The following SEC24D variants were observed in gnomAD, a reference collection of about 807,000 sequenced individuals.
The protein encoded by SEC24D is SEC24 homolog D, COPII component.
In SEC24D, 69 loss-of-function variants were observed where a neutral mutation model predicts 116.9. The observed-to-expected ratio is 0.59, with a 90% CI of 0.49 to 0.72. The LOEUF is 0.72. Ranked by LOEUF, SEC24D falls within the 30% of genes least tolerant of loss-of-function variation. SEC24D has a pLI of 0.00. For synonymous variants in SEC24D, 405 were observed against 442.8 expected (o/e 0.91, Z 1.07); for missense variants, 1,131 against 1,264.1 (o/e 0.89, Z 1.60).
chr4:118,750,970 AAAATT>A (rs1028708644), intron 13 of SEC24D, among the ~76,000 whole-genome samples: 1 of 152,122 alleles, frequency 6.6e-6, no homozygotes. Context: ...ATTTAGATAT[AAAATT>A]ATGTGGGAAG....
At chr4:118,768,789 G>A (rs1287647383) in intron 8 of SEC24D, among the ~76,000 whole-genome samples, 2 of 152,164 alleles carry the variant, frequency 1.3e-5, no homozygotes, top group African/African-American at 4.8e-5. Flanking sequence ...GCCATAAGAT[G>A]TTGTCCAGAA....
chr4:118,790,143 C>T (rs139588066), intron 8 of SEC24D, among the ~76,000 whole-genome samples: 6 of 152,222 alleles, frequency 3.9e-5, no homozygotes, highest in African/African-American at 7.2e-5. Flanking sequence ...GGGATTAAAA[C>T]GCAACTGAAA....
intron 2 of SEC24D, among the ~76,000 whole-genome samples, chr4:118,831,494 G>A (rs1258629712): frequency 6.6e-6 from 1 of 152,162 alleles, no homozygotes; most frequent in Admixed American, 6.5e-5. Flanking sequence ...GTGGGCAACT[G>A]GAAATATGGG....
chr4:118,777,811 C>T lies in SEC24D; in HGVS notation c.1042-9500G>A, dbSNP rs10002360. ...TTTTAATGATCGCCATTCTAACTGG[C>T]GTGAGATGGTATCTCATTGTGGTTT... On this transcript the variant is annotated intron_variant, in intron 8 of 22. Transcript: ENST00000280551. 9.7e-3 allele frequency among the ~76,000 whole-genome samples: 1,469 copies of T among 152,194 alleles called. 25 individuals carry two copies. The highest frequency in any genetic ancestry group is 0.032 in the African/African-American group (1,346 of 41,540).
In SEC24D at chr4:118,741,279, C is replaced by T. The variant is rs116448075; in HGVS notation, c.1996-242G>A. Among the ~76,000 whole-genome samples the T allele has an allele frequency of 5.2e-3, 792 of 152,154 alleles. 5 individuals carry two copies. Among genetic ancestry groups the T allele is most frequent in the African/African-American group, 0.015 (629 of 41,508 alleles). Reference sequence around the variant, plus strand: ...CATTTTAACACTTGGATGAGAAAATCGGTTATTAATTGCAAATGGGAAAAT... The same window carrying T: ...CATTTTAACACTTGGATGAGAAAATTGGTTATTAATTGCAAATGGGAAAAT... On this transcript the variant is annotated intron_variant, in intron 15 of 22. Coordinates refer to ENST00000280551, the MANE Select transcript of SEC24D (RefSeq NM_014822.4).
intron 6 of SEC24D, among the ~76,000 whole-genome samples, chr4:118,810,514 G>C (rs1388799477): frequency 2.0e-5 from 3 of 152,172 alleles, no homozygotes; most frequent in Non-Finnish European, 4.4e-5. Flanking sequence ...TCTTTACTAG[G>C]AATATCTGCA....
chr4:118,804,627 T>TA (rs1303525862), intron 7 of SEC24D, among the ~76,000 whole-genome samples: 1 of 151,990 alleles, frequency 6.6e-6, no homozygotes, highest in Non-Finnish European at 1.5e-5. Context: ...ACCTATTATC[T>TA]ACCAAGCCCT....
intron 20 of SEC24D, among the ~76,000 whole-genome samples, chr4:118,732,121 A>C (rs1433286297): frequency 6.6e-6 from 1 of 152,018 alleles, no homozygotes; most frequent in Non-Finnish European, 1.5e-5. Flanking sequence ...TGAGCAAAGA[A>C]GTAATACGAG....
At chr4:118,749,436 AAATAAAGTTAT>A (rs1271963242) in intron 13 of SEC24D, among the ~76,000 whole-genome samples, 3 of 152,238 alleles carry the variant, frequency 2.0e-5, no homozygotes, top group Non-Finnish European at 2.9e-5. Flanking sequence ...AGCTGATAGA[AAATAAAGTTAT>A]AATAAAGTTA....
chr4:118,819,189 G>T (rs1393518950), intron 3 of SEC24D, among the ~76,000 whole-genome samples: 2 of 152,092 alleles, frequency 1.3e-5, no homozygotes, highest in East Asian at 3.8e-4. Context: ...TGTTTCCTAA[G>T]ACGAAAACAT....
At chr4:118,805,306 G>C (rs559985513) in intron 7 of SEC24D, among the ~76,000 whole-genome samples, 1 of 152,086 alleles carries the variant, frequency 6.6e-6, no homozygotes, top group Non-Finnish European at 1.5e-5. Context: ...AGATTTCATC[G>C]GGCTATATTC....
chr4:118,735,087 C>G (rs1289843105), intron 19 of SEC24D, among the ~76,000 whole-genome samples: 2 of 152,108 alleles, frequency 1.3e-5, no homozygotes, highest in Non-Finnish European at 2.9e-5. Flanking sequence ...ATTAAGAGTT[C>G]AGAAATCTGT....
At chr4:118,817,507 G>A (rs1416344263) in intron 3 of SEC24D, 95 bp from the exon 4 acceptor site, 2 of 1,051,042 alleles carry the variant, frequency 1.9e-6, no homozygotes, top group Non-Finnish European at 2.7e-6. Flanking sequence ...AATTAAGCCT[G>A]TCTAGTAGGC....
At chr4:118,731,190 T>C (rs1294953708) in intron 21 of SEC24D, 126 bp downstream of exon 21, 11 of 762,194 alleles carry the variant, frequency 1.4e-5, no homozygotes, top group Non-Finnish European at 1.1e-5. Flanking sequence ...TGAAATTATT[T>C]CTTTCATATA....
chr4:118,750,061 T>C (rs1020907152), intron 13 of SEC24D, among the ~76,000 whole-genome samples: 14 of 152,174 alleles, frequency 9.2e-5, no homozygotes, highest in African/African-American at 2.9e-4. Context: ...TATGCATTAC[T>C]ATAACAATAA....
chr4:118,803,088 T>A (rs139728448), intron 7 of SEC24D, among the ~76,000 whole-genome samples: 1 of 152,014 alleles, frequency 6.6e-6, no homozygotes, highest in African/African-American at 2.4e-5. Flanking sequence ...AGGGGCTGGG[T>A]GGGGTGGAAG....
intron 8 of SEC24D, among the ~76,000 whole-genome samples, chr4:118,772,591 C>T (rs1193771330): frequency 2.0e-5 from 3 of 151,998 alleles, no homozygotes; most frequent in East Asian, 1.9e-4. Context: ...AACAGAGGTA[C>T]GGTTGGGATA....
chr4:118,805,802 A>T, intron 7 of SEC24D, 41 bp downstream of exon 7: 1 of 1,290,564 alleles, frequency 7.7e-7, no homozygotes, highest in Non-Finnish European at 1.1e-6. Context: ...ACGGTGAGAA[A>T]TTTTAAAACC....
intron 21 of SEC24D, chr4:118,730,963 A>G (rs1725655297): frequency 1.1e-5 from 3 of 281,524 alleles, no homozygotes; most frequent in Admixed American, 4.8e-5. Context: ...CCAAGCCTCA[A>G]CTGATTCCTC....
Sources: allele counts gnomAD v4.1 joint callset (sites outside exome capture counted in the v4.1 genomes callset), GRCh38; gene constraint gnomAD v4.1.1; transcripts MANE v1.5; gene names NCBI Gene and HGNC (gene_info 2026-07-23, HGNC 2026-07-21).